The following NUMB variants were observed in gnomAD, a reference collection of about 807,000 sequenced individuals.
NUMB encodes the protein NUMB endocytic adaptor protein.
In NUMB, 29 loss-of-function variants were observed where a neutral mutation model predicts 59.7. The observed-to-expected ratio is 0.49, with a 90% CI of 0.36 to 0.66. The LOEUF (loss-of-function observed/expected upper bound fraction) is 0.66. NUMB is among the 30% of genes least tolerant of loss of function. The pLI, the probability that NUMB is intolerant of heterozygous loss-of-function variation, is 0.00. For synonymous variants in NUMB, 288 were observed against 288.2 expected, an observed-to-expected ratio of 1.00 and a Z score of 0.01; for missense variants, 723 against 822.0, an observed-to-expected ratio of 0.88 and a Z score of 1.47.
intron 11 of NUMB, 193 bp downstream of exon 11, chr14:73,282,166 A>G (rs1888674333): frequency 2.0e-6 from 1 of 511,462 alleles, no homozygotes; most frequent in Non-Finnish European, 3.4e-6. Flanking sequence ...ACAAACACAG[A>G]CATCTTAGAA....
At chr14:73,408,712 T>C (rs1398440560) in intron 2 of NUMB, among the ~76,000 whole-genome samples, 1 of 151,942 alleles carries the variant, frequency 6.6e-6, no homozygotes, top group African/African-American at 2.4e-5. Flanking sequence ...ACCCCGTCTC[T>C]ACTAAAAATA....
intron 1 of NUMB, among the ~76,000 whole-genome samples, chr14:73,452,584 GA>G (rs946927304): frequency 6.6e-6 from 1 of 152,184 alleles, no homozygotes; most frequent in African/African-American, 2.4e-5. Context: ...CGTGGGTAGA[GA>G]GGGGGAAGTC....
At chr14:73,281,114 A>C (rs1046290597) in intron 11 of NUMB, among the ~76,000 whole-genome samples, 1 of 152,136 alleles carries the variant, frequency 6.6e-6, no homozygotes, top group Non-Finnish European at 1.5e-5. Flanking sequence ...AAACTGAAAT[A>C]TTCAATTTTG....
intron 1 of NUMB, among the ~76,000 whole-genome samples, chr14:73,416,244 T>G (rs1422111248): frequency 6.6e-6 from 1 of 152,080 alleles, no homozygotes; most frequent in Non-Finnish European, 1.5e-5. Context: ...AACAACGAAA[T>G]TTGACACATT....
chr14:73,433,292 C>T (rs1201348855), intron 1 of NUMB, among the ~76,000 whole-genome samples: 6 of 152,036 alleles, frequency 3.9e-5, no homozygotes. Context: ...CATGGTGGTG[C>T]ATGCCTGTAG....
rs1485469101 is a variant in NUMB, at chr14:73,424,677, A to G, written c.-232-14609T>C. 2.6e-5 allele frequency among the ~76,000 whole-genome samples: 4 copies of G among 152,200 alleles called. No individual in the cohort carries two copies. The East Asian group carries it at 7.7e-4, about 29-fold the overall frequency. ...GAAGTAGGATCATTTACCAACAAGC[A>G]TAATCTTCATGAGCACGTCTCTAAA... On this transcript the variant is annotated intron_variant, in intron 1 of 12. Transcript: ENST00000555238.
intron 1 of NUMB, among the ~76,000 whole-genome samples, chr14:73,450,720 C>T (rs866854749): frequency 3.3e-5 from 5 of 151,606 alleles, no homozygotes; most frequent in African/African-American, 4.9e-5. Flanking sequence ...ACCTGATAGG[C>T]GGAGGTTGCA....
chr14:73,278,053 A>AAAAC (rs1555367128), intron 12 of NUMB, among the ~76,000 whole-genome samples: 25 of 146,708 alleles, frequency 1.7e-4, no homozygotes, highest in Non-Finnish European at 1.3e-4. Flanking sequence ...CTCAAAAAAA[A>AAAAC]AAAAAAAAAA....
At chr14:73,301,206 C>T (rs1890110255) in intron 6 of NUMB, among the ~76,000 whole-genome samples, 1 of 152,202 alleles carries the variant, frequency 6.6e-6, no homozygotes, top group South Asian at 2.1e-4. Context: ...CAGTGATATA[C>T]AACATTGCCA....
At chr14:73,413,722 C>T (rs1897001143) in intron 1 of NUMB, among the ~76,000 whole-genome samples, 1 of 151,974 alleles carries the variant, frequency 6.6e-6, no homozygotes. Flanking sequence ...TGCGCCACTG[C>T]CCAGACCGTG....
chr14:73,433,794 G>T (rs772241089), intron 1 of NUMB, among the ~76,000 whole-genome samples: 1 of 151,496 alleles, frequency 6.6e-6, no homozygotes, highest in South Asian at 2.1e-4. Context: ...TGCAAACTTA[G>T]AAATCCCGAT....
chr14:73,357,377 T>C (rs1893850920), intron 3 of NUMB, among the ~76,000 whole-genome samples: 1 of 140,474 alleles, frequency 7.1e-6, no homozygotes, highest in African/African-American at 2.6e-5. Context: ...CACTCCAGCC[T>C]AGGCAAAAGA....
chr14:73,343,773 GGAGA>G (rs773042229), intron 4 of NUMB, among the ~76,000 whole-genome samples: 117,624 of 152,110 alleles, frequency 0.77, 45,958 homozygotes, highest in African/African-American at 0.88. Context: ...ATATCAAAAA[GGAGA>G]TAGTCTCCTT....
chr14:73,401,639 G>T (rs563719450), intron 2 of NUMB, among the ~76,000 whole-genome samples: 2 of 141,698 alleles, frequency 1.4e-5, no homozygotes, highest in Admixed American at 7.5e-5. Flanking sequence ...GCATGACCTT[G>T]GCTCACTGCA....
At chr14:73,338,297 A>T (rs763343871) in intron 4 of NUMB, among the ~76,000 whole-genome samples, 1 of 152,144 alleles carries the variant, frequency 6.6e-6, no homozygotes, top group Non-Finnish European at 1.5e-5. Context: ...TTAAAAAACA[A>T]GCAAAGAAAA....
In NUMB at chr14:73,335,370, T is replaced by C. The variant is rs1447951365; in HGVS notation, c.127-12166A>G. Among the ~76,000 whole-genome samples, 3 of 151,208 alleles carry C rather than the reference T, an allele frequency of 2.0e-5. No homozygotes were observed. The East Asian group carries it at 5.8e-4, about 29-fold the overall frequency. ...CAAAATTATTTCATTTATGAACTAT[T>C]ATAGAAACGTGGAAATAGAAATAAG... On this transcript the variant is annotated intron_variant, in intron 4 of 12. Transcript: ENST00000555238.
intron 2 of NUMB, among the ~76,000 whole-genome samples, chr14:73,395,448 C>T (rs1453081270): frequency 1.3e-5 from 2 of 151,872 alleles, no homozygotes; most frequent in East Asian, 1.9e-4. Flanking sequence ...CATGGCAAAA[C>T]CCCATCTCTA....
chr14:73,446,858 G>A (rs112436259), intron 1 of NUMB, among the ~76,000 whole-genome samples: 28 of 152,006 alleles, frequency 1.8e-4, no homozygotes, highest in African/African-American at 6.3e-4. Flanking sequence ...GGGCAACATA[G>A]TGAGACCCCA....
intron 2 of NUMB, among the ~76,000 whole-genome samples, chr14:73,397,751 A>T (rs1429069585): frequency 2.6e-5 from 4 of 152,222 alleles, no homozygotes; most frequent in African/African-American, 9.6e-5. Flanking sequence ...TCTGGTCATT[A>T]AATATTCACA....
Sources: allele counts gnomAD v4.1 joint callset (sites outside exome capture counted in the v4.1 genomes callset), GRCh38; gene constraint gnomAD v4.1.1; transcripts MANE v1.5; gene names NCBI Gene and HGNC (gene_info 2026-07-23, HGNC 2026-07-21).